The following GMDS variants were observed in gnomAD, a reference collection of about 807,000 sequenced individuals.
GMDS encodes the protein GDP-mannose 4,6-dehydratase.
Under a neutral mutation model 49.9 loss-of-function variants are expected in GMDS, and 20 were observed. That is an observed-to-expected ratio of 0.40 (90% CI 0.28 to 0.58). The LOEUF is 0.58. Ranked by LOEUF, GMDS falls within the 20% of genes least tolerant of loss-of-function variation. GMDS has a pLI of 0.42. For synonymous variants in GMDS, 177 were observed against 178.6 expected (o/e 0.99, Z 0.07); for missense variants, 362 against 481.4 (o/e 0.75, Z 2.32).
intron 7 of GMDS, among the ~76,000 whole-genome samples, chr6:1,797,925 T>C (rs1769801162): frequency 6.6e-6 from 1 of 152,224 alleles, no homozygotes; most frequent in Admixed American, 6.5e-5. Context: ...TAACAGACAC[T>C]TTGATGTCTC....
chr6:1,806,770 C>A (rs568315178), intron 7 of GMDS, among the ~76,000 whole-genome samples: 1 of 152,202 alleles, frequency 6.6e-6, no homozygotes, highest in South Asian at 2.1e-4. Context: ...GGTTACCTTT[C>A]AAAAATAGAA....
chr6:1,663,446 T>G (rs537814395), intron 9 of GMDS, among the ~76,000 whole-genome samples: 3 of 152,338 alleles, frequency 2.0e-5, no homozygotes, highest in Admixed American at 1.3e-4. Context: ...TCATCTCTCC[T>G]AGAAGAGCAG....
intron 7 of GMDS, among the ~76,000 whole-genome samples, chr6:1,783,537 T>G (rs940323967): frequency 6.6e-6 from 1 of 152,232 alleles, no homozygotes; most frequent in Non-Finnish European, 1.5e-5. Context: ...AGGAGCACGA[T>G]TCTCTTATTG....
At chr6:1,941,094 A>G (rs545000454) in intron 6 of GMDS, among the ~76,000 whole-genome samples, 264 of 152,312 alleles carry the variant, frequency 1.7e-3, no homozygotes, top group South Asian at 3.7e-3. Flanking sequence ...ATAGCTTTTA[A>G]GTACCTCTAT....
intron 4 of GMDS, among the ~76,000 whole-genome samples, chr6:1,974,879 G>GA (rs1404123013): frequency 8.5e-6 from 1 of 117,724 alleles, no homozygotes; most frequent in Non-Finnish European, 1.7e-5. Context: ...AAAAAAAAAA[G>GA]AAAAAAAAAT....
chr6:1,964,261 T>A (rs763055136), intron 4 of GMDS, among the ~76,000 whole-genome samples: 1 of 152,166 alleles, frequency 6.6e-6, no homozygotes, highest in Admixed American at 6.5e-5. Context: ...AAGGGACCAG[T>A]CAATTTTGAA....
chr6:2,008,583 C>G (rs1334413719), intron 4 of GMDS, among the ~76,000 whole-genome samples: 1 of 152,164 alleles, frequency 6.6e-6, no homozygotes, highest in Admixed American at 6.5e-5. Flanking sequence ...AATGCTGATA[C>G]TCTATATTGC....
intron 7 of GMDS, among the ~76,000 whole-genome samples, chr6:1,804,250 G>A (rs560081914): frequency 2.5e-4 from 38 of 152,350 alleles, no homozygotes; most frequent in Admixed American, 5.9e-4. Context: ...AGCTCTCTGT[G>A]CAGTTTGCCA....
chr6:2,243,687 T>C (rs776590563), intron 1 of GMDS, among the ~76,000 whole-genome samples: 2 of 152,102 alleles, frequency 1.3e-5, no homozygotes, highest in Non-Finnish European at 2.9e-5. Context: ...GTTTTCAAAC[T>C]CAGATCCACC....
chr6:1,873,289 A>C (rs1410061900), intron 7 of GMDS, among the ~76,000 whole-genome samples: 1 of 152,202 alleles, frequency 6.6e-6, no homozygotes, highest in Non-Finnish European at 1.5e-5. Context: ...CGGTGTTTGC[A>C]TTTGACCTCC....
intron 6 of GMDS, 139 bp downstream of exon 6, chr6:1,959,728 T>G: frequency 2.3e-6 from 1 of 427,410 alleles, no homozygotes; most frequent in Admixed American, 4.2e-5. Flanking sequence ...CATTTCTTCA[T>G]TTGCTGCTCT....
chr6:2,221,245 C>G (rs879760445), intron 1 of GMDS, among the ~76,000 whole-genome samples: 46 of 152,310 alleles, frequency 3.0e-4, no homozygotes, highest in Admixed American at 2.7e-3. Flanking sequence ...AGCTTTATTC[C>G]TGGCTTCACG....
intron 7 of GMDS, among the ~76,000 whole-genome samples, chr6:1,917,138 G>A (rs534950339): frequency 6.6e-6 from 1 of 152,136 alleles, no homozygotes; most frequent in South Asian, 2.1e-4. Flanking sequence ...TAGGCCAGCA[G>A]TAGAGATGCT....
intron 4 of GMDS, among the ~76,000 whole-genome samples, chr6:2,017,761 T>C (rs1438701657): frequency 6.6e-6 from 1 of 152,214 alleles, no homozygotes; most frequent in African/African-American, 2.4e-5. Context: ...ATATTTCATA[T>C]GTTATATGTA....
At position 2,183,990 on chromosome 6, in the gene GMDS, T is replaced by C. The variant is rs544423367; in HGVS notation, c.103-59259A>G. ...TAACATATATGCACAACATAACTTA[T>C]ATATGCATAAGTTATATATAACTTG... On this transcript the variant is annotated intron_variant, in intron 1 of 10. Transcript: ENST00000380815. Among the ~76,000 whole-genome samples the C allele has an allele frequency of 2.2e-4, 33 of 152,354 alleles. 1 individual carries two copies. In the South Asian group the frequency reaches 5.0e-3, roughly 23 times the overall value.
At chr6:1,881,555 T>A (rs547912290) in intron 7 of GMDS, among the ~76,000 whole-genome samples, 1 of 152,216 alleles carries the variant, frequency 6.6e-6, no homozygotes, top group African/African-American at 2.4e-5. Flanking sequence ...AATAAGTGAA[T>A]CTGAAGAAAT....
chr6:1,916,652 G>A (rs1761418716), intron 7 of GMDS, among the ~76,000 whole-genome samples: 1 of 152,142 alleles, frequency 6.6e-6, no homozygotes, highest in Non-Finnish European at 1.5e-5. Flanking sequence ...ATTTCTTTGA[G>A]CCCCACTGGA....
intron 7 of GMDS, among the ~76,000 whole-genome samples, chr6:1,854,986 A>T (rs1281670511): frequency 6.6e-6 from 1 of 152,172 alleles, no homozygotes; most frequent in African/African-American, 2.4e-5. Flanking sequence ...TGGGTCTGAG[A>T]TGTGTAGTTG....
At chr6:1,784,412 A>AAAAAAAAT (rs1561802974) in intron 7 of GMDS, among the ~76,000 whole-genome samples, 1 of 150,808 alleles carries the variant, frequency 6.6e-6, no homozygotes, top group African/African-American at 2.5e-5. Context: ...AAAAAAAAAA[A>AAAAAAAAT]AAGAAAATTT....
Sources: gnomAD v4.1 joint callset for allele counts (sites outside exome capture counted in the v4.1 genomes callset) on GRCh38, gnomAD v4.1.1 for gene constraint, MANE v1.5 for transcripts, NCBI Gene and HGNC (gene_info 2026-07-23, HGNC 2026-07-21) for gene names.